HNF4A: variants seen among roughly 807,000 people sequenced by gnomAD.
The protein encoded by HNF4A is hepatocyte nuclear factor 4-alpha.
In HNF4A, 15 loss-of-function variants were observed where a neutral mutation model predicts 52.4. That is an observed-to-expected ratio of 0.29 (90% CI 0.19 to 0.44). The LOEUF (loss-of-function observed/expected upper bound fraction) is 0.44, where lower values mean the gene tolerates loss of function less well. HNF4A is among the 20% of genes least tolerant of loss of function. The pLI, the probability that HNF4A is intolerant of heterozygous loss-of-function variation, is 1.00. For synonymous variants in HNF4A, 280 were observed against 264.4 expected (o/e 1.06, Z -0.57); for missense variants, 479 against 647.2 (o/e 0.74, Z 2.82).
In HNF4A at chr20:44,428,480, A is replaced by G. The variant is rs1464837839; in HGVS notation, c.1275A>G (p.Gly425=). The G allele has an allele frequency of 6.2e-7, 1 of 1,614,008 alleles. No homozygotes were observed. Residue 425 remains glycine, a synonymous_variant, in exon 9 of 10, where the codon GGA becomes GGG. Coordinates refer to ENST00000316099, the MANE Select transcript of HNF4A (RefSeq NM_000457.6). ...TGTGTGAGTGGCCCCGACCCAGGGG[A>G]CAGGCAGGTGGGCAAACTCTGGGAT...
At chr20:44,363,240 C>A (rs533830888) in intron 1 of HNF4A, among the ~76,000 whole-genome samples, 1 of 152,038 alleles carries the variant, frequency 6.6e-6, no homozygotes, top group Non-Finnish European at 1.5e-5. Flanking sequence ...TGTTGTGAGA[C>A]ATAAAGTCAA....
chr20:44,368,171 T>A (rs1395073385), intron 1 of HNF4A, among the ~76,000 whole-genome samples: 13 of 101,690 alleles, frequency 1.3e-4, no homozygotes, highest in African/African-American at 4.1e-4. Context: ...TTTTTTTTTT[T>A]TTTTTTTTTT....
At chr20:44,404,997 G>GAC (rs1181169655) in intron 1 of HNF4A, among the ~76,000 whole-genome samples, 2 of 134,196 alleles carry the variant, frequency 1.5e-5, no homozygotes, top group Non-Finnish European at 3.2e-5. Flanking sequence ...GTGTGTGCTT[G>GAC]TGTGTGGTGT....
At chr20:44,373,458 GC>G (rs1265543112) in intron 1 of HNF4A, among the ~76,000 whole-genome samples, 2 of 152,038 alleles carry the variant, frequency 1.3e-5, no homozygotes, top group Non-Finnish European at 2.9e-5. Context: ...ACAGGTGTTA[GC>G]CACCACACCC....
intron 1 of HNF4A, among the ~76,000 whole-genome samples, chr20:44,378,307 C>T (rs1316426129): frequency 2.0e-5 from 3 of 147,474 alleles, no homozygotes; most frequent in South Asian, 2.2e-4. Context: ...CTTACTCTGT[C>T]GCCCGGCTGG....
chr20:44,406,312 G>C (rs1239741224), intron 2 of HNF4A, 80 bp downstream of exon 2: 1 of 1,331,226 alleles, frequency 7.5e-7, no homozygotes, highest in Non-Finnish European at 1.1e-6. Context: ...TCCCTGAGTG[G>C]GTAGGTCCCA....
intron 3 of HNF4A, among the ~76,000 whole-genome samples, chr20:44,408,894 C>G (rs1005551263): frequency 6.6e-6 from 1 of 152,050 alleles, no homozygotes; most frequent in Non-Finnish European, 1.5e-5. Context: ...ACAAACACCC[C>G]TCACCCCCAT....
intron 1 of HNF4A, among the ~76,000 whole-genome samples, chr20:44,387,693 GAGA>G: frequency 8.9e-6 from 1 of 112,948 alleles, no homozygotes; most frequent in Non-Finnish European, 2.0e-5. Context: ...TGGAGCGGGG[GAGA>G]TCCCCTCCCC....
intron 1 of HNF4A, among the ~76,000 whole-genome samples, chr20:44,367,896 C>T (rs976209523): frequency 1.3e-5 from 2 of 151,604 alleles, no homozygotes; most frequent in Non-Finnish European, 1.5e-5. Flanking sequence ...CTCAAAACCA[C>T]GCAGCGCATG....
At chr20:44,398,720 G>C (rs968349245), upstream of HNF4A, among the ~76,000 whole-genome samples, 1 of 152,202 alleles carries the variant, frequency 6.6e-6, no homozygotes, top group African/African-American at 2.4e-5. Flanking sequence ...GTATCTAATA[G>C]CTCTTCATTT....
chr20:44,406,255 G>A, intron 2 of HNF4A, 23 bp downstream of exon 2: 1 of 1,608,362 alleles, frequency 6.2e-7, no homozygotes, highest in Non-Finnish European at 8.5e-7. Context: ...AATTTCTTCA[G>A]CTGGGAAATG....
At chr20:44,400,228 AG>A (rs2063390248), upstream of HNF4A, among the ~76,000 whole-genome samples, 1 of 152,088 alleles carries the variant, frequency 6.6e-6, no homozygotes, top group African/African-American at 2.4e-5. Flanking sequence ...GGACTTTCTA[AG>A]GGTTGGGTTG....
chr20:44,368,139 T>C (rs189506896), intron 1 of HNF4A, among the ~76,000 whole-genome samples: 11 of 39,458 alleles, frequency 2.8e-4, no homozygotes, highest in African/African-American at 1.4e-3. Context: ...TGTGTGTATA[T>C]ACATATATAT....
At chr20:44,413,874 C>A in intron 4 of HNF4A, 74 bp downstream of exon 4, 2 of 1,001,848 alleles carry the variant, frequency 2.0e-6, no homozygotes, top group Admixed American at 1.9e-5. Flanking sequence ...CACCTCCATT[C>A]TCCCCAGCCA....
intron 3 of HNF4A, among the ~76,000 whole-genome samples, chr20:44,410,665 G>C (rs1353279542): frequency 6.6e-6 from 1 of 152,092 alleles, no homozygotes; most frequent in Admixed American, 6.5e-5. Flanking sequence ...GAGCTGGAAA[G>C]GTAGGATTTC....
intron 1 of HNF4A, among the ~76,000 whole-genome samples, chr20:44,405,197 T>C (rs911309833): frequency 6.6e-6 from 1 of 152,092 alleles, no homozygotes; most frequent in Non-Finnish European, 1.5e-5. Context: ...TTCAAAGGGG[T>C]CTATCTTTGC....
Position 44,419,751 on chromosome 20 carries a change from C to T in HNF4A, c.767C>T (p.Pro256Leu). The T allele has an allele frequency of 3.7e-6, 6 of 1,614,156 alleles. No individual in the cohort carries two copies. The highest frequency in any genetic ancestry group is 5.1e-6 in the Non-Finnish European group (6 of 1,180,018). Residue 256 changes from proline to leucine, a missense_variant, in exon 7 of 10, where the codon CCG becomes CTG. Pro to Leu is a moderately conservative substitution (Grantham distance 98, BLOSUM62 -3). Coordinates refer to ENST00000316099, the MANE Select transcript of HNF4A (RefSeq NM_000457.6). The stretch of plus-strand genomic sequence containing the variant: ...GACTACATTGTCCCTCGGCACTGCC[C>T]GGAGCTGGCGGAGATGAGCCGGGTG...
rs562517375 is a variant in HNF4A at position 44,426,190 on chromosome 20, A to G, written c.1129+1936A>G. Among the ~76,000 whole-genome samples, 6 of 152,250 alleles carry G rather than the reference A, an allele frequency of 3.9e-5. No homozygotes were observed. The East Asian group carries it at 1.2e-3, about 29-fold the overall frequency. ...AGCGTGTTTGAAGGACAGAGTGTTTAATGGTGTTAAACTCTACAGAGAAAC... is the reference window on the plus strand; with the variant it reads ...AGCGTGTTTGAAGGACAGAGTGTTTGATGGTGTTAAACTCTACAGAGAAAC... On this transcript the variant is annotated intron_variant, in intron 8 of 9. Coordinates refer to ENST00000316099, the MANE Select transcript of HNF4A (RefSeq NM_000457.6).
intron 1 of HNF4A, among the ~76,000 whole-genome samples, chr20:44,374,318 CTT>C (rs2063063203): frequency 6.6e-6 from 1 of 152,114 alleles, no homozygotes; most frequent in South Asian, 2.1e-4. Flanking sequence ...ACTTTGTTCC[CTT>C]TTTTATTTTT....
Sources: gnomAD v4.1 joint callset for allele counts (sites outside exome capture counted in the v4.1 genomes callset) on GRCh38, gnomAD v4.1.1 for gene constraint, MANE v1.5 for transcripts, NCBI Gene and HGNC (gene_info 2026-07-23, HGNC 2026-07-21) for gene names.